Variants in PRORP observed in about 807,000 individuals in gnomAD.
PRORP encodes the protein protein only RNase P catalytic subunit, also known as mitochondrial ribonuclease P catalytic subunit.
Under a neutral mutation model 59.4 loss-of-function variants are expected in PRORP, and 51 were observed. That is an observed-to-expected ratio of 0.86 (90% CI 0.69 to 1.08). PRORP has a LOEUF of 1.08. Among genes scored for constraint, PRORP ranks in the 50% least tolerant of loss-of-function variants. The probability of loss-of-function intolerance (pLI) is 0.00; values close to 1 mark genes in which losing one functional copy is unlikely to be tolerated. For synonymous variants in PRORP, 231 were observed against 245.6 expected (o/e 0.94, Z 0.55); for missense variants, 646 against 690.3 (o/e 0.94, Z 0.72).
intron 4 of PRORP, among the ~76,000 whole-genome samples, chr14:35,130,506 G>C (rs2047213551): frequency 6.7e-6 from 1 of 150,248 alleles, no homozygotes; most frequent in African/African-American, 2.5e-5. Flanking sequence ...CATTGAGATG[G>C]AGTCTCACTC....
At chr14:35,246,227 T>C (rs1345632651) in intron 5 of PRORP, among the ~76,000 whole-genome samples, 1 of 152,210 alleles carries the variant, frequency 6.6e-6, no homozygotes, top group East Asian at 1.9e-4. Context: ...TATTTCATTC[T>C]AGAAACTGAT....
chr14:35,253,697 G>A (rs2050675957), intron 5 of PRORP, among the ~76,000 whole-genome samples: 1 of 152,054 alleles, frequency 6.6e-6, no homozygotes, highest in Non-Finnish European at 1.5e-5. Context: ...CCACACTTTG[G>A]TTCTTATCTG....
chr14:35,217,823 C>A (rs1454803117), intron 5 of PRORP, among the ~76,000 whole-genome samples: 2 of 152,064 alleles, frequency 1.3e-5, no homozygotes, highest in Non-Finnish European at 2.9e-5. Flanking sequence ...TATGCCAGTA[C>A]CACACAGTCT....
chr14:35,269,039 A>T (rs1157470801), intron 6 of PRORP, among the ~76,000 whole-genome samples: 1 of 152,154 alleles, frequency 6.6e-6, no homozygotes, highest in East Asian at 1.9e-4. Flanking sequence ...CAGAAGACCT[A>T]ATGGCAACAT....
intron 5 of PRORP, among the ~76,000 whole-genome samples, chr14:35,199,468 G>A (rs1209434681): frequency 2.0e-5 from 3 of 152,074 alleles, no homozygotes; most frequent in African/African-American, 7.2e-5. Flanking sequence ...ATTAGGTCAT[G>A]AGGACTCTGC....
At chr14:35,237,219 A>G (rs2050245017) in intron 5 of PRORP, among the ~76,000 whole-genome samples, 1 of 151,822 alleles carries the variant, frequency 6.6e-6, no homozygotes, top group Non-Finnish European at 1.5e-5. Flanking sequence ...CTGCATCCTG[A>G]GTAGCTGGGA....
In PRORP at chr14:35,266,708, C is replaced by A; in HGVS notation, c.1276-19C>A. On this transcript the variant is annotated intron_variant, in intron 5 of 7. Coordinates refer to ENST00000534898, the MANE Select transcript of PRORP (RefSeq NM_014672.4). ...AGTCTTCCCTTGAACTTTTGTGGTT[C>A]TGGCTTTGTGTTTTTTAGCTCTTGA... The A allele has an allele frequency of 6.2e-7, 1 of 1,612,094 alleles. No individual in the cohort carries two copies. Among genetic ancestry groups the A allele is most frequent in the East Asian group, 2.2e-5 (1 of 44,818 alleles).
chr14:35,190,458 A>G (rs1204897159), intron 5 of PRORP, among the ~76,000 whole-genome samples: 2 of 151,752 alleles, frequency 1.3e-5, no homozygotes, highest in Non-Finnish European at 2.9e-5. Flanking sequence ...TCTCCAGAGT[A>G]TGTTGTAATT....
intron 4 of PRORP, among the ~76,000 whole-genome samples, chr14:35,149,355 C>T (rs1397685935): frequency 2.0e-5 from 3 of 152,002 alleles, no homozygotes; most frequent in Non-Finnish European, 4.4e-5. Context: ...GCTAGGACTA[C>T]AGGCATACCA....
At chr14:35,188,847 G>A (rs1011891220) in intron 5 of PRORP, among the ~76,000 whole-genome samples, 1 of 151,048 alleles carries the variant, frequency 6.6e-6, no homozygotes, top group African/African-American at 2.4e-5. Context: ...GTGGTGGTGG[G>A]TGCCTGTAGT....
intron 5 of PRORP, among the ~76,000 whole-genome samples, chr14:35,193,393 A>G (rs889798272): frequency 3.3e-5 from 5 of 152,194 alleles, no homozygotes; most frequent in Non-Finnish European, 4.4e-5. Flanking sequence ...ATTTGTTTTG[A>G]TTGCCATCTG....
Position 35,123,441 on chromosome 14 carries a change from A to G in PRORP, c.196A>G (p.Arg66Gly). Reference protein sequence around the residue: ...TKATNLIAKARYLRKDEGSNK... With the variant: ...TKATNLIAKAGYLRKDEGSNK... The stretch of plus-strand genomic sequence containing the variant: ...AGCAACGAATCTGATTGCCAAGGCC[A>G]GATATCTCAGGAAAGATGAGGGCAG... Residue 66 changes from arginine (R) to glycine (G), a missense_variant, in exon 2 of 8, where the codon AGA (arginine) becomes GGA (glycine). Physicochemically the swap from Arg to Gly is moderately radical, Grantham distance 125. Coordinates refer to ENST00000534898, the MANE Select transcript of PRORP (RefSeq NM_014672.4). The G allele has an allele frequency of 6.2e-7, 1 of 1,614,212 alleles. No individual in the cohort carries two copies. Among genetic ancestry groups the G allele is most frequent in the Non-Finnish European group, 8.5e-7 (1 of 1,180,044 alleles).
chr14:35,190,465 A>G (rs1312055475), intron 5 of PRORP, among the ~76,000 whole-genome samples: 1 of 151,634 alleles, frequency 6.6e-6, no homozygotes, highest in Non-Finnish European at 1.5e-5. Flanking sequence ...AGTATGTTGT[A>G]ATTTTGAAGA....
intron 4 of PRORP, among the ~76,000 whole-genome samples, chr14:35,167,612 T>C (rs1324793852): frequency 6.6e-6 from 1 of 152,218 alleles, no homozygotes; most frequent in Non-Finnish European, 1.5e-5. Context: ...GTCATGTTAA[T>C]GTTCTTATTT....
upstream of PRORP, chr14:35,121,859 T>C (rs1223559387): frequency 1.9e-6 from 3 of 1,610,880 alleles, no homozygotes; most frequent in Admixed American, 3.3e-5. Context: ...TCTAGGAGTT[T>C]AGGGCCGGGC....
chr14:35,250,037 C>T (rs1403441763), intron 5 of PRORP, among the ~76,000 whole-genome samples: 4 of 152,004 alleles, frequency 2.6e-5, no homozygotes, highest in African/African-American at 9.7e-5. Flanking sequence ...CACTTGAGGC[C>T]AGGAGTTCGA....
At chr14:35,172,152 G>A (rs1259425234) in intron 4 of PRORP, among the ~76,000 whole-genome samples, 1 of 150,504 alleles carries the variant, frequency 6.6e-6, no homozygotes, top group Non-Finnish European at 1.5e-5. Flanking sequence ...AGGTTCAAGT[G>A]ATTCTCCTGC....
intron 4 of PRORP, among the ~76,000 whole-genome samples, 183 bp from the exon 5 acceptor site, chr14:35,180,486 TC>T (rs1344434182): frequency 6.6e-6 from 1 of 151,996 alleles, no homozygotes; most frequent in Non-Finnish European, 1.5e-5. Context: ...TGCAGTTGCA[TC>T]CATTAGACTG....
intron 5 of PRORP, among the ~76,000 whole-genome samples, chr14:35,208,065 G>A (rs1347695711): frequency 3.3e-5 from 5 of 151,574 alleles, no homozygotes; most frequent in South Asian, 2.1e-4. Context: ...CAGAAGAATC[G>A]CTTGAACCTA....
Sources: allele counts gnomAD v4.1 joint callset (sites outside exome capture counted in the v4.1 genomes callset), GRCh38; gene constraint gnomAD v4.1.1; transcripts MANE v1.5; gene names NCBI Gene and HGNC (gene_info 2026-07-23, HGNC 2026-07-21).